The following DOCK7 variants were observed in gnomAD, a reference collection of about 807,000 sequenced individuals.
DOCK7 encodes the protein dedicator of cytokinesis protein 7.
In DOCK7, 138 loss-of-function variants were observed where a neutral mutation model predicts 271.0. The ratio of observed to expected loss-of-function variants is 0.51; its 90% CI spans 0.44 to 0.59. DOCK7 has a LOEUF of 0.59. Among genes scored for constraint, DOCK7 ranks in the 20% least tolerant of loss-of-function variants. DOCK7 has a pLI of 0.00. For synonymous variants in DOCK7, 823 were observed against 876.1 expected (o/e 0.94, Z 1.07); for missense variants, 2,066 against 2,592.4 (o/e 0.80, Z 4.41).
At chr1:62,531,562 T>C (rs574436788) in intron 29 of DOCK7, among the ~76,000 whole-genome samples, 1 of 152,346 alleles carries the variant, frequency 6.6e-6, no homozygotes, top group South Asian at 2.1e-4. Flanking sequence ...AAAACTAACA[T>C]TTAATCATAG....
chr1:62,477,153 A>C (rs1645990607), intron 44 of DOCK7: 1 of 152,250 alleles, frequency 6.6e-6, no homozygotes, highest in Non-Finnish European at 1.5e-5. Context: ...AAAGGTTGGA[A>C]AGAATAACTA....
intron 1 of DOCK7, among the ~76,000 whole-genome samples, chr1:62,681,125 G>A (rs2149774283): frequency 6.6e-6 from 1 of 152,134 alleles, no homozygotes; most frequent in Non-Finnish European, 1.5e-5. Context: ...GCAAAGACTT[G>A]GAACCAACCC....
In DOCK7 at chr1:62,552,743, T is replaced by C; in HGVS notation, c.2755A>G (p.Ile919Val). 6.2e-7 allele frequency: 1 copy of C among 1,611,754 alleles called. No individual in the cohort carries two copies. Among genetic ancestry groups the C allele is most frequent in the Non-Finnish European group, 8.5e-7 (1 of 1,178,726 alleles). ...TGTCTTCAGTTTACCTTACTCCCGA[T>C]GATTGATCGAACTTCATCATCTGGT... is the stretch of plus-strand genomic sequence containing the variant. Reference protein sequence around the residue: ...TSPDDEVRSIIGSKGLDRSNS... With the variant: ...TSPDDEVRSIVGSKGLDRSNS... Residue 919 changes from isoleucine (I) to valine (V), a missense_variant, in exon 22 of 50, where the codon ATC becomes GTC. Physicochemically the swap from Ile to Val is conservative, Grantham distance 29 (BLOSUM62 3). Transcript: ENST00000635253.
chr1:62,478,885 C>T (rs1646039507), intron 43 of DOCK7: 1 of 152,172 alleles, frequency 6.6e-6, no homozygotes, highest in Non-Finnish European at 1.5e-5. Context: ...GTACAAAGTA[C>T]ATTAAGATCA....
intron 18 of DOCK7, among the ~76,000 whole-genome samples, chr1:62,568,965 C>A (rs573394728): frequency 6.6e-6 from 1 of 152,196 alleles, no homozygotes; most frequent in African/African-American, 2.4e-5. Flanking sequence ...ACTACAAACA[C>A]CTCTCTGCAA....
intron 7 of DOCK7, chr1:62,638,293 G>A (rs1307058163): frequency 6.6e-6 from 1 of 152,024 alleles, no homozygotes; most frequent in Admixed American, 6.5e-5. Flanking sequence ...ATGAACGAAA[G>A]TTGTCCATTT....
intron 1 of DOCK7, among the ~76,000 whole-genome samples, chr1:62,681,668 T>A (rs913348730): frequency 3.3e-5 from 5 of 152,002 alleles, no homozygotes; most frequent in Admixed American, 2.0e-4. Flanking sequence ...GGAGTGTTCA[T>A]GGAAACGTTT....
At chr1:62,681,341 C>T (rs972335227) in intron 1 of DOCK7, among the ~76,000 whole-genome samples, 1 of 137,046 alleles carries the variant, frequency 7.3e-6, no homozygotes, top group Non-Finnish European at 1.5e-5. Context: ...ACAATGAGAA[C>T]ATTTGGACAC....
intron 31 of DOCK7, among the ~76,000 whole-genome samples, chr1:62,524,728 T>A (rs1644947909): frequency 6.6e-6 from 1 of 151,234 alleles, no homozygotes; most frequent in Non-Finnish European, 1.5e-5. Context: ...TGAAACCCCA[T>A]CTCTACTAAA....
chr1:62,598,131 G>C (rs1276002981), intron 14 of DOCK7: 1 of 1,382,288 alleles, frequency 7.2e-7, no homozygotes, highest in Non-Finnish European at 9.7e-7. Flanking sequence ...ATATTTCTAA[G>C]GCATGCCATT....
intron 1 of DOCK7, among the ~76,000 whole-genome samples, chr1:62,669,899 G>C (rs555005870): frequency 6.6e-6 from 1 of 152,246 alleles, no homozygotes; most frequent in South Asian, 2.1e-4. Flanking sequence ...GGAGAGACAC[G>C]AGCGGGAACC....
At chr1:62,504,984 G>T (rs1327924321) in intron 36 of DOCK7, among the ~76,000 whole-genome samples, 1 of 152,186 alleles carries the variant, frequency 6.6e-6, no homozygotes, top group African/African-American at 2.4e-5. Context: ...CTAACTAGTA[G>T]TGGGACCTTG....
chr1:62,649,358 T>C (rs1657058210), intron 4 of DOCK7, among the ~76,000 whole-genome samples: 1 of 152,214 alleles, frequency 6.6e-6, no homozygotes, highest in South Asian at 2.1e-4. Context: ...ACATCCAGTC[T>C]TGTTGCTAAA....
chr1:62,568,289 T>A (rs988989187), intron 18 of DOCK7, among the ~76,000 whole-genome samples: 5 of 151,912 alleles, frequency 3.3e-5, no homozygotes, highest in Non-Finnish European at 7.4e-5. Flanking sequence ...AATGCCCACA[T>A]TAAAAAGCTA....
chr1:62,614,737 A>G (rs1408828309), intron 14 of DOCK7, among the ~76,000 whole-genome samples: 1 of 151,974 alleles, frequency 6.6e-6, no homozygotes, highest in African/African-American at 2.4e-5. Context: ...TATTATACCC[A>G]TGTTAAAGGA....
intron 14 of DOCK7, among the ~76,000 whole-genome samples, chr1:62,614,075 C>G (rs906903031): frequency 1.3e-5 from 2 of 152,012 alleles, no homozygotes; most frequent in African/African-American, 4.8e-5. Context: ...ATAGTGACCA[C>G]TGGTATGTAT....
At chr1:62,514,107 T>C (rs1015199258) in intron 31 of DOCK7, among the ~76,000 whole-genome samples, 8 of 152,200 alleles carry the variant, frequency 5.3e-5, no homozygotes, top group Non-Finnish European at 1.0e-4. Flanking sequence ...CCTTTCCTGA[T>C]AACAGAAGTT....
At chr1:62,489,787 T>G (rs1571270199) in intron 41 of DOCK7, among the ~76,000 whole-genome samples, 1 of 152,330 alleles carries the variant, frequency 6.6e-6, no homozygotes, top group East Asian at 1.9e-4. Flanking sequence ...AAAATAAATT[T>G]AATATTACAC....
chr1:62,511,575 A>G (rs1305472768), intron 33 of DOCK7, among the ~76,000 whole-genome samples: 1 of 152,166 alleles, frequency 6.6e-6, no homozygotes, highest in Non-Finnish European at 1.5e-5. Flanking sequence ...AACAAATACA[A>G]AAGAATACAA....
Sources: gnomAD v4.1 joint callset for allele counts (sites outside exome capture counted in the v4.1 genomes callset) on GRCh38, gnomAD v4.1.1 for gene constraint, MANE v1.5 for transcripts, NCBI Gene and HGNC (gene_info 2026-07-23, HGNC 2026-07-21) for gene names.